The following RPL30 variants were observed in gnomAD, a reference collection of about 807,000 sequenced individuals.
The protein encoded by RPL30 is large ribosomal subunit protein eL30.
For missense variants in RPL30, 60 were observed against 138.0 expected, an observed-to-expected ratio of 0.43 and a Z score of 2.83; for synonymous variants, 40 against 50.4, an observed-to-expected ratio of 0.79 and a Z score of 0.87.
intron 3 of RPL30, 86 bp from the exon 4 acceptor site, chr8:98,042,861 A>G: frequency 7.5e-7 from 1 of 1,332,882 alleles, no homozygotes; most frequent in Non-Finnish European, 1.0e-6. Flanking sequence ...ACTAGTGTTA[A>G]TGTTGTTAAG....
At chr8:98,043,379 G>C (rs1248801997) in intron 3 of RPL30, 1 of 149,448 alleles carries the variant, frequency 6.7e-6, no homozygotes, top group African/African-American at 2.5e-5. Context: ...GCCCGCCTCA[G>C]CCTCCCAAAG....
rs138167986 is a variant in RPL30 at position 98,045,337 on chromosome 8, C to A, written c.21+10G>T. ...TGAATCGTCTTCCGGGCCTGGCCCGCCTCACTCACCGTCTTCTTTGCGGCC... is the reference window on the plus strand; with the variant it reads ...TGAATCGTCTTCCGGGCCTGGCCCGACTCACTCACCGTCTTCTTTGCGGCC... On this transcript the variant is annotated intron_variant, in intron 2 of 4. Coordinates refer to ENST00000287038, the MANE Select transcript of RPL30 (RefSeq NM_000989.4). The A allele has an allele frequency of 8.5e-4, 1,373 of 1,614,160 alleles. 9 individuals carry two copies. The African/African-American group carries it at 0.014, about 16-fold the overall frequency.
At chr8:98,042,987 T>G in intron 3 of RPL30, 1 of 464,016 alleles carries the variant, frequency 2.2e-6, no homozygotes, top group Non-Finnish European at 3.8e-6. Flanking sequence ...AGCAAATATC[T>G]AATCAACCCC....
intron 4 of RPL30, 132 bp downstream of exon 4, chr8:98,042,513 C>CAT: frequency 1.2e-6 from 1 of 841,730 alleles, no homozygotes; most frequent in Non-Finnish European, 1.8e-6. Flanking sequence ...TACAACTACA[C>CAT]GATATGCCTT....
At chr8:98,045,278 C>T (rs1489478290) in intron 2 of RPL30, 69 bp downstream of exon 2, 1 of 1,608,576 alleles carries the variant, frequency 6.2e-7, no homozygotes, top group Non-Finnish European at 8.5e-7. Context: ...CGTGGGCTCA[C>T]ATCTGCCCGC....
At chr8:98,042,608 C>CAAA (rs3073528) in intron 4 of RPL30, 37 bp downstream of exon 4, 160,674 of 1,413,454 alleles carry the variant, frequency 0.11, 1,426 homozygotes, top group African/African-American at 0.18. Context: ...ATTAGAAAGG[C>CAAA]AAAAAAAAAA....
At chr8:98,042,294 A>T in intron 4 of RPL30, 1 of 488,182 alleles carries the variant, frequency 2.0e-6, no homozygotes, top group South Asian at 1.6e-5. Context: ...TTCTCAAGCT[A>T]ATTTTACATG....
At position 98,045,419 on chromosome 8, in the gene RPL30, G is replaced by A; in HGVS notation, c.-32-20C>T. ...CCCAACCTAGAAGAGACAGAGAACA[G>A]GACAGGAATTTTAGGATCCGGAGTT... is the stretch of plus-strand genomic sequence containing the variant. On this transcript the variant is annotated intron_variant, in intron 1 of 4. Transcript: ENST00000287038. The A allele has an allele frequency of 1.2e-6, 2 of 1,611,070 alleles. No homozygotes were observed. The highest frequency in any genetic ancestry group is 1.7e-6 in the Non-Finnish European group (2 of 1,177,474).
chr8:98,045,544 G>T lies in RPL30; in HGVS notation c.-69C>A. The T allele has an allele frequency of 1.6e-6, 1 of 635,610 alleles. No homozygotes were observed. The allele number at this position is 635,610 out of a possible 1,614,324, so 39.4% of individuals were successfully genotyped here. ...GCTAAGATGGCCGGGGAACGAGAAA[G>T]GAAAGACTTCCCACAATGCAAAGCT... On this transcript the variant is annotated 5_prime_UTR_variant, in exon 1 of 5. Transcript: ENST00000287038.
At position 98,044,924 on chromosome 8, in the gene RPL30, G is replaced by T. The variant is rs370679966; in HGVS notation, c.167+19C>A. ...GATGAATTCGCGGTAGGCGAAGCCCGTTCAGTCTCTTCGATTACCTCAAAG... is the reference window on the plus strand; with the variant it reads ...GATGAATTCGCGGTAGGCGAAGCCCTTTCAGTCTCTTCGATTACCTCAAAG... On this transcript the variant is annotated intron_variant, in intron 3 of 4. Coordinates refer to ENST00000287038, the MANE Select transcript of RPL30 (RefSeq NM_000989.4). The T allele has an allele frequency of 6.2e-7, 1 of 1,610,398 alleles. No individual in the cohort carries two copies. The highest frequency in any genetic ancestry group is 8.5e-7 in the Non-Finnish European group (1 of 1,178,982).
chr8:98,042,314 A>G (rs1814392057), intron 4 of RPL30: 1 of 450,248 alleles, frequency 2.2e-6, no homozygotes, highest in South Asian at 1.7e-5. Context: ...GTCTGTTCTC[A>G]AGAAGCAAGA....
intron 3 of RPL30, 109 bp downstream of exon 3, chr8:98,044,834 A>T (rs901443948): frequency 8.1e-7 from 1 of 1,228,226 alleles, no homozygotes; most frequent in Admixed American, 2.2e-5. Flanking sequence ...TACCGTAATT[A>T]TCCTGCAAGT....
intron 2 of RPL30, 46 bp downstream of exon 2, chr8:98,045,301 A>T: frequency 6.2e-7 from 1 of 1,613,712 alleles, no homozygotes; most frequent in Non-Finnish European, 8.5e-7. Flanking sequence ...TGGCCAAGAC[A>T]TCTCTCCACG....
Position 98,045,340 on chromosome 8 carries a change from C to T in RPL30, c.21+7G>A, listed in dbSNP as rs1308016464. On this transcript the variant is annotated splice_region_variant and intron_variant, in intron 2 of 4. Coordinates refer to ENST00000287038, the MANE Select transcript of RPL30 (RefSeq NM_000989.4). The stretch of plus-strand genomic sequence containing the variant: ...ATCGTCTTCCGGGCCTGGCCCGCCT[C>T]ACTCACCGTCTTCTTTGCGGCCACC... 1.2e-6 allele frequency: 2 copies of T among 1,614,182 alleles called. No homozygotes were observed. The highest frequency in any genetic ancestry group is 3.3e-5 in the Admixed American group (2 of 60,022).
intron 3 of RPL30, chr8:98,044,135 A>G (rs1172496728): frequency 6.6e-6 from 1 of 152,150 alleles, no homozygotes; most frequent in African/African-American, 2.4e-5. Context: ...AATAAATGGC[A>G]CCTCGGGCCC....
chr8:98,045,317 C>G, intron 2 of RPL30, 30 bp downstream of exon 2: 2 of 1,614,080 alleles, frequency 1.2e-6, no homozygotes, highest in Admixed American at 1.7e-5. Flanking sequence ...CCACGTGAAT[C>G]GTCTTCCGGG....
intron 2 of RPL30, 27 bp from the exon 3 acceptor site, chr8:98,045,115 C>G: frequency 1.9e-6 from 3 of 1,604,268 alleles, no homozygotes; most frequent in African/African-American, 1.3e-5. Context: ...AAATACGGAC[C>G]TAAGGGCCTC....
At position 98,044,882 on chromosome 8, in the gene RPL30, C is replaced by T. The variant is rs1431387747; in HGVS notation, c.167+61G>A. On this transcript the variant is annotated intron_variant, in intron 3 of 4. Coordinates refer to ENST00000287038, the MANE Select transcript of RPL30 (RefSeq NM_000989.4). ...GGTACTCAGATTACAAGTTTACACTCCTGTATATTCGTTCACGATGAATTC... is the reference window on the plus strand; with the variant it reads ...GGTACTCAGATTACAAGTTTACACTTCTGTATATTCGTTCACGATGAATTC... The T allele has an allele frequency of 3.9e-6, 6 of 1,545,954 alleles. No homozygotes were observed. In the Admixed American group the frequency reaches 7.0e-5, roughly 18 times the overall value.
At chr8:98,042,814 C>T in intron 3 of RPL30, 39 bp from the exon 4 acceptor site, 1 of 1,525,224 alleles carries the variant, frequency 6.6e-7, no homozygotes, top group Non-Finnish European at 8.8e-7. Context: ...AAATGCGATA[C>T]CAAGTGACTG....
Sources: allele counts gnomAD v4.1 joint callset, GRCh38; gene constraint gnomAD v4.1.1; transcripts MANE v1.5; gene names NCBI Gene and HGNC (gene_info 2026-07-23, HGNC 2026-07-21).